The following NCKAP5 variants were observed in gnomAD, a reference collection of about 807,000 sequenced individuals.
NCKAP5 encodes nck-associated protein 5.
NCKAP5 carries 92 observed loss-of-function variants against 167.0 expected under a neutral mutation model. That is an observed-to-expected ratio of 0.55 (90% CI 0.47 to 0.66). The LOEUF is 0.66. NCKAP5 is among the 30% of genes least tolerant of loss of function. NCKAP5 has a pLI of 0.00. For missense variants in NCKAP5, 2,378 were observed against 2,315.0 expected, an observed-to-expected ratio of 1.03 and a Z score of -0.56; for synonymous variants, 891 against 877.4, an observed-to-expected ratio of 1.02 and a Z score of -0.27.
At chr2:133,022,529 C>T (rs1336232210) in intron 6 of NCKAP5, among the ~76,000 whole-genome samples, 1 of 152,148 alleles carries the variant, frequency 6.6e-6, no homozygotes, top group East Asian at 1.9e-4. Context: ...CATGAATCTC[C>T]TCTCTGGGAA....
chr2:133,673,201 T>C, the NCKAP5 span, among the ~76,000 whole-genome samples: 1 of 152,162 alleles, frequency 6.6e-6, no homozygotes, highest in South Asian at 2.1e-4. Flanking sequence ...TTAAGTCACC[T>C]CCACTGCCCC....
intron 3 of NCKAP5, among the ~76,000 whole-genome samples, chr2:133,419,502 T>C (rs1445654371): frequency 6.6e-6 from 1 of 152,212 alleles, no homozygotes; most frequent in Non-Finnish European, 1.5e-5. Context: ...ACATGGAACA[T>C]AATTATAAGT....
chr2:133,180,833 T>C (rs1198126506), intron 5 of NCKAP5, among the ~76,000 whole-genome samples: 1 of 152,102 alleles, frequency 6.6e-6, no homozygotes, highest in Non-Finnish European at 1.5e-5. Flanking sequence ...AATGAGGCTA[T>C]ATCGAACTGA....
At chr2:133,060,640 G>A (rs1402836732) in intron 6 of NCKAP5, among the ~76,000 whole-genome samples, 1 of 152,100 alleles carries the variant, frequency 6.6e-6, no homozygotes, top group Non-Finnish European at 1.5e-5. Context: ...TAGTAAAATT[G>A]AATGGAGATT....
At chr2:133,115,313 T>C (rs7558912) in intron 6 of NCKAP5, among the ~76,000 whole-genome samples, 74,458 of 151,896 alleles carry the variant, frequency 0.49, 19,044 homozygotes, top group African/African-American at 0.66. Flanking sequence ...ACAAAAACAA[T>C]ACTACCTCTA....
At chr2:132,689,212 A>G (rs1044007890) in intron 19 of NCKAP5, among the ~76,000 whole-genome samples, 1 of 152,048 alleles carries the variant, frequency 6.6e-6, no homozygotes, top group African/African-American at 2.4e-5. Flanking sequence ...TGGACTGTCA[A>G]CTCAAAGAAC....
At chr2:133,064,898 C>T (rs1035369204) in intron 6 of NCKAP5, among the ~76,000 whole-genome samples, 1 of 152,176 alleles carries the variant, frequency 6.6e-6, no homozygotes, top group East Asian at 1.9e-4. Context: ...AGTGAATGGA[C>T]TACTCCATCT....
intron 6 of NCKAP5, among the ~76,000 whole-genome samples, chr2:133,089,033 T>C (rs2081086048): frequency 6.6e-6 from 1 of 152,116 alleles, no homozygotes. Flanking sequence ...CAGAGACAAA[T>C]TACAGACTGT....
At chr2:132,796,286 C>T (rs947763958) in intron 12 of NCKAP5, among the ~76,000 whole-genome samples, 1 of 152,032 alleles carries the variant, frequency 6.6e-6, no homozygotes, top group Non-Finnish European at 1.5e-5. Context: ...AAAGTTCATA[C>T]ATAATATATC....
At chr2:133,065,850 G>A (rs2080175641) in intron 6 of NCKAP5, among the ~76,000 whole-genome samples, 1 of 152,156 alleles carries the variant, frequency 6.6e-6, no homozygotes. Context: ...ACAACAATGT[G>A]AGATCACATA....
chr2:133,615,851 T>C, the NCKAP5 span, among the ~76,000 whole-genome samples: 439 of 152,036 alleles, frequency 2.9e-3, 1 homozygote, highest in African/African-American at 0.01. Flanking sequence ...AATGTACATT[T>C]TTTTCAGCAC....
intron 3 of NCKAP5, among the ~76,000 whole-genome samples, chr2:133,432,989 A>G (rs1356772769): frequency 1.3e-5 from 2 of 152,208 alleles, no homozygotes; most frequent in Admixed American, 6.5e-5. Flanking sequence ...GGGTCAAAGA[A>G]TCAGAACATT....
chr2:133,237,487 T>A (rs1413671248), intron 4 of NCKAP5, among the ~76,000 whole-genome samples: 3 of 152,226 alleles, frequency 2.0e-5, no homozygotes, highest in African/African-American at 7.2e-5. Flanking sequence ...TACATATGAC[T>A]TTATTTATTC....
intron 6 of NCKAP5, among the ~76,000 whole-genome samples, chr2:133,014,829 G>A (rs1003528735): frequency 1.3e-5 from 2 of 152,142 alleles, no homozygotes; most frequent in Non-Finnish European, 2.9e-5. Context: ...CATGTATAAT[G>A]TTTTCCATTG....
chr2:133,546,481 C>G (rs1420925804), intron 2 of NCKAP5, among the ~76,000 whole-genome samples: 1 of 152,148 alleles, frequency 6.6e-6, no homozygotes, highest in African/African-American at 2.4e-5. Context: ...ACCAGATATA[C>G]AAGCTGCGCT....
intron 4 of NCKAP5, among the ~76,000 whole-genome samples, chr2:133,251,869 A>G (rs1415753955): frequency 6.6e-6 from 1 of 152,246 alleles, no homozygotes; most frequent in Non-Finnish European, 1.5e-5. Context: ...ATCCAAATGC[A>G]TATTTCTGCC....
intron 6 of NCKAP5, among the ~76,000 whole-genome samples, chr2:133,095,623 C>G (rs1470376747): frequency 1.3e-5 from 2 of 152,336 alleles, no homozygotes; most frequent in East Asian, 3.9e-4. Context: ...GGAGAGGAAC[C>G]ACTCAGCTAA....
intron 6 of NCKAP5, among the ~76,000 whole-genome samples, chr2:133,062,829 C>G (rs986100815): frequency 6.6e-6 from 1 of 152,030 alleles, no homozygotes; most frequent in Non-Finnish European, 1.5e-5. Flanking sequence ...ACAATGTTTA[C>G]ATAGAAATCT....
intron 4 of NCKAP5, among the ~76,000 whole-genome samples, chr2:133,269,920 G>A (rs1318001832): frequency 2.0e-5 from 3 of 152,260 alleles, no homozygotes; most frequent in East Asian, 1.9e-4. Flanking sequence ...TGAGTGGCTC[G>A]AAAGAAAAGA....
Sources: allele counts gnomAD v4.1 joint callset (sites outside exome capture counted in the v4.1 genomes callset), GRCh38; gene constraint gnomAD v4.1.1; transcripts MANE v1.5; gene names NCBI Gene and HGNC (gene_info 2026-07-23, HGNC 2026-07-21).